The following DMXL1 variants were observed in gnomAD, a reference collection of about 807,000 sequenced individuals.
DMXL1 encodes the protein Dmx like 1.
A neutral mutation model predicts 319.2 loss-of-function variants in DMXL1; 99 were observed. The ratio of observed to expected loss-of-function variants is 0.31; its 90% CI spans 0.26 to 0.37. The LOEUF is 0.37. DMXL1 is among the 10% of genes least tolerant of loss of function. The pLI, the probability that DMXL1 is intolerant of heterozygous loss-of-function variation, is 1.00. For missense variants in DMXL1, 3,745 were observed against 3,595.6 expected, an observed-to-expected ratio of 1.04 and a Z score of -1.06; for synonymous variants, 1,385 against 1,235.2, an observed-to-expected ratio of 1.12 and a Z score of -2.54.
chr5:119,090,839 A>G (rs1243248533), intron 1 of DMXL1, among the ~76,000 whole-genome samples: 4 of 151,930 alleles, frequency 2.6e-5, no homozygotes. Flanking sequence ...TGCTGGGATT[A>G]CAGGCGTGAG....
At chr5:119,146,709 G>T (rs112726860) in intron 15 of DMXL1, 128 bp from the exon 16 acceptor site, 7 of 786,738 alleles carry the variant, frequency 8.9e-6, no homozygotes, top group Non-Finnish European at 1.3e-5. Flanking sequence ...AATACCACTT[G>T]TGTTTGAAGC....
Position 119,137,274 on chromosome 5 carries a change from A to C in DMXL1, c.2376+2885A>C, listed in dbSNP as rs374933278. ...TTGGCCAGTTTCTTCTATTTGGAAC[A>C]GAACATTTACCCAATGCCTGTGCTC... On this transcript the variant is annotated intron_variant, in intron 13 of 43. Transcript: ENST00000539542. Among the ~76,000 whole-genome samples, 14 of 152,382 alleles carry C rather than the reference A, an allele frequency of 9.2e-5. No homozygotes were observed. The East Asian group carries it at 2.5e-3, about 27-fold the overall frequency.
chr5:119,176,124 A>G (rs763725553), intron 26 of DMXL1, among the ~76,000 whole-genome samples: 2 of 152,032 alleles, frequency 1.3e-5, no homozygotes, highest in Non-Finnish European at 2.9e-5. Context: ...TGTCTTATTT[A>G]GCAAGAATTT....
chr5:119,243,920 A>C (rs188919016), intron 42 of DMXL1, among the ~76,000 whole-genome samples: 2 of 152,282 alleles, frequency 1.3e-5, no homozygotes, highest in African/African-American at 4.8e-5. Context: ...TATTCTGTAA[A>C]TGTTCTTGAG....
chr5:119,083,728 A>G (rs1752724507), intron 1 of DMXL1, among the ~76,000 whole-genome samples: 1 of 151,120 alleles, frequency 6.6e-6, no homozygotes, highest in South Asian at 2.1e-4. Context: ...TTTAGTAGAG[A>G]TGGGGTTTTA....
At chr5:119,173,996 C>G (rs1025139621) in intron 25 of DMXL1, among the ~76,000 whole-genome samples, 1 of 151,280 alleles carries the variant, frequency 6.6e-6, no homozygotes, top group African/African-American at 2.4e-5. Context: ...CCAAAAAGAG[C>G]TGATGTTTTA....
At chr5:119,135,028 G>C (rs1765690810) in intron 13 of DMXL1, among the ~76,000 whole-genome samples, 1 of 152,204 alleles carries the variant, frequency 6.6e-6, no homozygotes, top group Non-Finnish European at 1.5e-5. Context: ...TAATGTATTT[G>C]TTAATGCTCG....
chr5:119,178,499 C>G (rs769258178), intron 28 of DMXL1: 4 of 540,486 alleles, frequency 7.4e-6, no homozygotes, highest in African/African-American at 4.1e-5. Context: ...CTGAAACTTT[C>G]ATTTGTTTTG....
At chr5:119,203,984 A>C (rs935568746) in intron 33 of DMXL1, among the ~76,000 whole-genome samples, 1 of 151,308 alleles carries the variant, frequency 6.6e-6, no homozygotes, top group African/African-American at 2.4e-5. Flanking sequence ...CACCACGCCC[A>C]ACTAATTTTT....
chr5:119,147,601 C>T, intron 17 of DMXL1, 131 bp downstream of exon 17: 3 of 619,244 alleles, frequency 4.8e-6, no homozygotes. Flanking sequence ...TTCAAGTACC[C>T]TAAATTGAAG....
At chr5:119,198,761 C>G (rs1317743993) in intron 32 of DMXL1, among the ~76,000 whole-genome samples, 1 of 152,312 alleles carries the variant, frequency 6.6e-6, no homozygotes, top group South Asian at 2.1e-4. Context: ...CAGCATGGTA[C>G]TGGTACAAAA....
intron 8 of DMXL1, among the ~76,000 whole-genome samples, chr5:119,120,328 C>T (rs894036685): frequency 1.3e-5 from 2 of 152,196 alleles, no homozygotes; most frequent in Admixed American, 6.5e-5. Flanking sequence ...GATTCAACAA[C>T]GAATAGAATG....
At chr5:119,081,768 T>G (rs1752237072) in intron 1 of DMXL1, 7 of 966,074 alleles carry the variant, frequency 7.2e-6, no homozygotes, top group Non-Finnish European at 8.6e-6. Context: ...AATTTTGTTC[T>G]TACGTGTATT....
intron 30 of DMXL1, 144 bp downstream of exon 30, chr5:119,194,114 T>G (rs1779182575): frequency 1.8e-6 from 1 of 545,172 alleles, no homozygotes; most frequent in Admixed American, 3.9e-5. Flanking sequence ...AATTGTTAAA[T>G]TCCTTTCCTT....
At chr5:119,202,774 C>T (rs1390495970) in intron 32 of DMXL1, among the ~76,000 whole-genome samples, 1 of 150,094 alleles carries the variant, frequency 6.7e-6, no homozygotes, top group Non-Finnish European at 1.5e-5. Context: ...TCGCTTGAAC[C>T]CAGGAGGTGG....
At chr5:119,119,427 A>G (rs955107860) in intron 8 of DMXL1, among the ~76,000 whole-genome samples, 1 of 152,232 alleles carries the variant, frequency 6.6e-6, no homozygotes, top group African/African-American at 2.4e-5. Context: ...ATTGAAAGTA[A>G]AAGTCAATTT....
chr5:119,135,660 A>G (rs1765822106), intron 13 of DMXL1, among the ~76,000 whole-genome samples: 1 of 152,090 alleles, frequency 6.6e-6, no homozygotes, highest in Non-Finnish European at 1.5e-5. Flanking sequence ...ATAGTGAGGG[A>G]GTTCTCACAA....
chr5:119,203,884 G>A (rs1242801755), intron 33 of DMXL1, among the ~76,000 whole-genome samples: 6 of 151,888 alleles, frequency 4.0e-5, no homozygotes, highest in African/African-American at 9.7e-5. Flanking sequence ...GCAGTGGTGC[G>A]ATCTCAGCTT....
At chr5:119,222,280 T>G (rs1241099697) in intron 37 of DMXL1, among the ~76,000 whole-genome samples, 1 of 152,188 alleles carries the variant, frequency 6.6e-6, no homozygotes, top group Non-Finnish European at 1.5e-5. Flanking sequence ...TTGTTAAATG[T>G]ATGGTAGAGC....
Sources: gnomAD v4.1 joint callset for allele counts (sites outside exome capture counted in the v4.1 genomes callset) on GRCh38, gnomAD v4.1.1 for gene constraint, MANE v1.5 for transcripts, NCBI Gene and HGNC (gene_info 2026-07-23, HGNC 2026-07-21) for gene names.